Variants in EYS observed in about 807,000 individuals in gnomAD.
EYS encodes the protein EGF-like photoreceptor maintenance factor.
In EYS, 250 loss-of-function variants were observed where a neutral mutation model predicts 282.1. That is an observed-to-expected ratio of 0.89 (90% CI 0.80 to 0.98). The LOEUF is 0.98. Ranked by LOEUF, EYS falls within the 50% of genes least tolerant of loss-of-function variation. EYS has a pLI of 0.00. For missense variants in EYS, 4,016 were observed against 3,709.0 expected (o/e 1.08, Z -2.15); for synonymous variants, 1,355 against 1,282.9 (o/e 1.06, Z -1.20).
At chr6:64,295,102 CG>C (rs1768870308) in intron 30 of EYS, among the ~76,000 whole-genome samples, 1 of 151,384 alleles carries the variant, frequency 6.6e-6, no homozygotes, top group African/African-American at 2.4e-5. Flanking sequence ...TGGCCGGGCA[CG>C]GTGGCTCACG....
intron 35 of EYS, among the ~76,000 whole-genome samples, chr6:63,868,211 C>T (rs1386956798): frequency 6.6e-6 from 1 of 151,998 alleles, no homozygotes; most frequent in Admixed American, 6.6e-5. Flanking sequence ...TAAGCATATG[C>T]CAACAACTAT....
chr6:64,285,081 G>A (rs1201535236), intron 30 of EYS, among the ~76,000 whole-genome samples: 1 of 152,040 alleles, frequency 6.6e-6, no homozygotes, highest in African/African-American at 2.4e-5. Context: ...TCTGAAAATG[G>A]GATTTTATTT....
chr6:65,247,057 T>C (rs1582060211), intron 12 of EYS, among the ~76,000 whole-genome samples: 1 of 152,058 alleles, frequency 6.6e-6, no homozygotes, highest in South Asian at 2.1e-4. Context: ...GTTCATAGGG[T>C]GATTTTATGT....
chr6:64,199,487 T>A (rs1337829677), intron 31 of EYS, among the ~76,000 whole-genome samples: 1 of 152,112 alleles, frequency 6.6e-6, no homozygotes, highest in East Asian at 1.9e-4. Flanking sequence ...GAAGGAAACC[T>A]AGGCAATACA....
chr6:64,935,009 G>GT (rs1432629040), intron 15 of EYS, among the ~76,000 whole-genome samples: 2 of 151,774 alleles, frequency 1.3e-5, no homozygotes, highest in Admixed American at 1.3e-4. Context: ...AAACAAGGGA[G>GT]TAAAAAAAGG....
At chr6:65,479,745 T>A (rs1765537774) in intron 5 of EYS, among the ~76,000 whole-genome samples, 1 of 152,176 alleles carries the variant, frequency 6.6e-6, no homozygotes, top group African/African-American at 2.4e-5. Context: ...TTCTTTGGGA[T>A]TTTGGAACAT....
intron 35 of EYS, among the ~76,000 whole-genome samples, chr6:63,967,169 G>C (rs1258372746): frequency 6.6e-6 from 1 of 152,130 alleles, no homozygotes; most frequent in Admixed American, 6.5e-5. Context: ...CTGGCGGATG[G>C]GTTGCATATA....
In EYS at chr6:63,761,047, ATT is replaced by A. The variant is rs60604492; in HGVS notation, c.8071+1412_8071+1413del. ...GCTATTAAGTTTAAATATTTAACCG[ATT>A]TTTTTTTTTTTTTTGCTCTGCACTA... is the stretch of plus-strand genomic sequence containing the variant. On this transcript the variant is annotated intron_variant, in intron 41 of 42. Transcript: ENST00000503581. Among the ~76,000 whole-genome samples the A allele has an allele frequency of 6.4e-3, 880 of 138,138 alleles. 5 individuals are homozygous for A. Among genetic ancestry groups the A allele is most frequent in the African/African-American group, 0.021 (806 of 37,848 alleles). 90.6% of individuals were successfully genotyped at this position (138,138 alleles called of 152,430 possible).
chr6:64,941,120 C>G (rs547748069), intron 15 of EYS, among the ~76,000 whole-genome samples: 29 of 152,052 alleles, frequency 1.9e-4, no homozygotes, highest in African/African-American at 6.7e-4. Flanking sequence ...GTGGCTCATG[C>G]CTATAATCTG....
intron 30 of EYS, among the ~76,000 whole-genome samples, chr6:64,298,568 C>T (rs879537401): frequency 6.6e-6 from 1 of 151,864 alleles, no homozygotes; most frequent in African/African-American, 2.4e-5. Context: ...TTAAATACTT[C>T]ACTATAAAAG....
intron 26 of EYS, among the ~76,000 whole-genome samples, chr6:64,563,104 A>G (rs1307458973): frequency 6.6e-6 from 1 of 152,056 alleles, no homozygotes; most frequent in African/African-American, 2.4e-5. Context: ...TGAAGTAGGT[A>G]CTTAGTTTTA....
chr6:64,440,483 GT>G, intron 26 of EYS, among the ~76,000 whole-genome samples: 1 of 152,146 alleles, frequency 6.6e-6, no homozygotes, highest in South Asian at 2.1e-4. Context: ...GTGTTTGTGT[GT>G]GTGTTTAATC....
chr6:65,330,553 T>G (rs1258329710), intron 11 of EYS: 20 of 983,548 alleles, frequency 2.0e-5, no homozygotes, highest in Non-Finnish European at 2.4e-5. Flanking sequence ...TGTGGTAATA[T>G]GCAGACCTGT....
chr6:65,140,973 C>A (rs1009250241), intron 12 of EYS, among the ~76,000 whole-genome samples: 1 of 151,302 alleles, frequency 6.6e-6, no homozygotes, highest in African/African-American at 2.4e-5. Context: ...ACCATTTGAC[C>A]CAGCCATCCC....
At chr6:65,220,565 A>G (rs956576971) in intron 12 of EYS, among the ~76,000 whole-genome samples, 1 of 152,172 alleles carries the variant, frequency 6.6e-6, no homozygotes, top group East Asian at 1.9e-4. Context: ...TGAGTCCATT[A>G]AGCCTCTTTT....
At chr6:64,192,232 C>G (rs1301217271) in intron 31 of EYS, among the ~76,000 whole-genome samples, 1 of 151,010 alleles carries the variant, frequency 6.6e-6, no homozygotes, top group South Asian at 2.1e-4. Context: ...GATATTAGCC[C>G]TTTGTCAGAT....
chr6:64,125,154 G>GCGCGCGCTC (rs1773724746), intron 31 of EYS, among the ~76,000 whole-genome samples: 8 of 145,264 alleles, frequency 5.5e-5, no homozygotes, highest in African/African-American at 2.1e-4. Context: ...CACACTCTCT[G>GCGCGCGCTC]TCTCTCTCTC....
intron 34 of EYS, among the ~76,000 whole-genome samples, chr6:63,987,010 G>T (rs1402593564): frequency 6.6e-6 from 1 of 151,610 alleles, no homozygotes; most frequent in Non-Finnish European, 1.5e-5. Flanking sequence ...AGAATAAAGA[G>T]ACTCTGTAAA....
intron 22 of EYS, among the ~76,000 whole-genome samples, chr6:64,798,071 A>G (rs1049242544): frequency 6.6e-6 from 1 of 151,958 alleles, no homozygotes; most frequent in Admixed American, 6.6e-5. Flanking sequence ...AGTAACAAAT[A>G]AATATTAAGT....
Sources: gnomAD v4.1 joint callset for allele counts (sites outside exome capture counted in the v4.1 genomes callset) on GRCh38, gnomAD v4.1.1 for gene constraint, MANE v1.5 for transcripts, NCBI Gene and HGNC (gene_info 2026-07-23, HGNC 2026-07-21) for gene names.